EBF2: variants seen among roughly 807,000 people sequenced by gnomAD.
The protein encoded by EBF2 is transcription factor COE2.
A neutral mutation model predicts 72.8 loss-of-function variants in EBF2; 21 were observed. The ratio of observed to expected loss-of-function variants is 0.29; its 90% CI spans 0.20 to 0.42. EBF2 has a LOEUF of 0.42. Ranked by LOEUF, EBF2 falls within the 10% of genes least tolerant of loss-of-function variation. The pLI, the probability that EBF2 is intolerant of heterozygous loss-of-function variation, is 1.00. For missense variants in EBF2, 637 were observed against 731.2 expected (o/e 0.87, Z 1.49); for synonymous variants, 299 against 274.2 (o/e 1.09, Z -0.89).
intron 6 of EBF2, among the ~76,000 whole-genome samples, chr8:25,918,867 G>T (rs770964739): frequency 2.0e-5 from 3 of 152,130 alleles, no homozygotes; most frequent in Non-Finnish European, 4.4e-5. Context: ...GATCACAGAG[G>T]CGGGAAAGGA....
chr8:25,895,299 T>C (rs936049389), intron 7 of EBF2, among the ~76,000 whole-genome samples: 4 of 152,056 alleles, frequency 2.6e-5, no homozygotes, highest in Admixed American at 6.5e-5. Context: ...TCAGGATCAA[T>C]TGAAATTGCT....
At chr8:25,886,989 T>C in intron 9 of EBF2, 108 bp from the exon 10 acceptor site, 1 of 1,210,910 alleles carries the variant, frequency 8.3e-7, no homozygotes, top group South Asian at 1.7e-5. Context: ...CTTCTTTCTC[T>C]CTGCTCTACT....
intron 6 of EBF2, among the ~76,000 whole-genome samples, chr8:25,969,900 A>G (rs567508780): frequency 6.6e-6 from 1 of 152,250 alleles, no homozygotes; most frequent in East Asian, 1.9e-4. Context: ...TTGTGGTGAA[A>G]AGTCAAAGGG....
At position 25,944,138 on chromosome 8, in the gene EBF2, C is replaced by T. The variant is rs574937525; in HGVS notation, c.552-35583G>A. On this transcript the variant is annotated intron_variant, in intron 6 of 15. Coordinates refer to ENST00000520164, the MANE Select transcript of EBF2 (RefSeq NM_022659.4). ...TGTATGGCTGATATTTGGTACTCTA[C>T]GGAGATAAGAGAAAAAGCATAGGGC... 7.2e-5 allele frequency among the ~76,000 whole-genome samples: 11 copies of T among 152,164 alleles called. No homozygotes were observed. The East Asian group carries it at 1.5e-3, about 21-fold the overall frequency.
intron 6 of EBF2, among the ~76,000 whole-genome samples, chr8:25,995,760 C>T (rs991875412): frequency 1.1e-4 from 16 of 150,458 alleles, no homozygotes; most frequent in South Asian, 6.3e-4. Flanking sequence ...TAATAGTAGG[C>T]GATATAAAGT....
intron 15 of EBF2, among the ~76,000 whole-genome samples, chr8:25,847,376 G>GT (rs1801861622): frequency 6.6e-6 from 1 of 152,084 alleles, no homozygotes; most frequent in African/African-American, 2.4e-5. Flanking sequence ...TTGTTTGTTT[G>GT]TTTTGTTCAG....
chr8:25,980,682 G>A (rs1025898428), intron 6 of EBF2, among the ~76,000 whole-genome samples: 5 of 151,482 alleles, frequency 3.3e-5, no homozygotes, highest in Admixed American at 2.0e-4. Context: ...GTCCCAGGGG[G>A]AGCTGCTCCA....
intron 14 of EBF2, 92 bp from the exon 15 acceptor site, chr8:25,850,853 C>A: frequency 7.1e-7 from 1 of 1,399,462 alleles, no homozygotes; most frequent in Non-Finnish European, 9.5e-7. Context: ...TTGTTAATTT[C>A]CATGCATTGT....
At chr8:25,857,531 G>T (rs1430647409) in intron 14 of EBF2, among the ~76,000 whole-genome samples, 2 of 152,108 alleles carry the variant, frequency 1.3e-5, no homozygotes, top group Non-Finnish European at 2.9e-5. Context: ...GCCTCTCCAT[G>T]TCAGCTTGTC....
rs1563411698 is a variant in EBF2, at chr8:25,953,022, A to G, written c.552-44467T>C. On this transcript the variant is annotated intron_variant, in intron 6 of 15. Transcript: ENST00000520164. ...AAAACAAACAAACTTCACAGAGACCATTTGGTCCAGTTACAGATCAAGAAG... is the reference window on the plus strand; with the variant it reads ...AAAACAAACAAACTTCACAGAGACCGTTTGGTCCAGTTACAGATCAAGAAG... Among the ~76,000 whole-genome samples the G allele has an allele frequency of 2.0e-5, 3 of 152,200 alleles. No individual in the cohort carries two copies. The South Asian group carries it at 6.2e-4, about 32-fold the overall frequency.
At chr8:25,956,766 T>C (rs1803955352) in intron 6 of EBF2, among the ~76,000 whole-genome samples, 1 of 152,218 alleles carries the variant, frequency 6.6e-6, no homozygotes, top group Non-Finnish European at 1.5e-5. Context: ...CATTTTAATA[T>C]TCACCCACCA....
chr8:25,971,157 C>T lies in EBF2; in HGVS notation c.551+61928G>A, dbSNP rs1804183667. Among the ~76,000 whole-genome samples, 4 of 152,276 alleles carry T rather than the reference C, an allele frequency of 2.6e-5. No individual in the cohort carries two copies. In the South Asian group the frequency reaches 8.3e-4, roughly 32 times the overall value. On this transcript the variant is annotated intron_variant, in intron 6 of 15. Transcript: ENST00000520164. ...GCAACCACCACTCTTAGCAGTTTCA[C>T]CTCAACAAAAATTCCCTTCTTGGAG...
At chr8:25,908,376 G>T in intron 7 of EBF2, 98 bp downstream of exon 7, 1 of 895,368 alleles carries the variant, frequency 1.1e-6, no homozygotes, top group Non-Finnish European at 1.7e-6. Context: ...GAGTAGCAGT[G>T]AATAGTAATT....
At chr8:25,986,173 G>C (rs1346572793) in intron 6 of EBF2, among the ~76,000 whole-genome samples, 1 of 151,866 alleles carries the variant, frequency 6.6e-6, no homozygotes, top group Non-Finnish European at 1.5e-5. Context: ...TGAAGCTTAT[G>C]GTTCAGATAA....
intron 6 of EBF2, among the ~76,000 whole-genome samples, chr8:25,964,447 C>A (rs558467270): frequency 1.3e-5 from 2 of 152,268 alleles, no homozygotes; most frequent in East Asian, 3.9e-4. Context: ...ATGGACGTGA[C>A]ATATCCACCA....
intron 10 of EBF2, among the ~76,000 whole-genome samples, chr8:25,877,528 G>A (rs762012997): frequency 7.2e-5 from 11 of 152,144 alleles, no homozygotes; most frequent in Non-Finnish European, 1.3e-4. Flanking sequence ...TCAGAGCCCC[G>A]ATGTTGTTTG....
At chr8:25,951,122 G>T (rs2117168799) in intron 6 of EBF2, among the ~76,000 whole-genome samples, 1 of 152,210 alleles carries the variant, frequency 6.6e-6, no homozygotes, top group East Asian at 1.9e-4. Context: ...AATTTTTCCA[G>T]GCAATTAAAT....
intron 9 of EBF2, 60 bp downstream of exon 9, chr8:25,887,782 C>T: frequency 6.8e-7 from 1 of 1,461,762 alleles, no homozygotes. Flanking sequence ...TGCTAGTTTC[C>T]CAGATCAAAA....
At chr8:26,025,120 T>C (rs1224510646) in intron 6 of EBF2, among the ~76,000 whole-genome samples, 1 of 152,050 alleles carries the variant, frequency 6.6e-6, no homozygotes, top group Non-Finnish European at 1.5e-5. Context: ...GTGCTTGTGG[T>C]GGGTATTCCA....
Sources: gnomAD v4.1 joint callset for allele counts (sites outside exome capture counted in the v4.1 genomes callset) on GRCh38, gnomAD v4.1.1 for gene constraint, MANE v1.5 for transcripts, NCBI Gene and HGNC (gene_info 2026-07-23, HGNC 2026-07-21) for gene names.